The following NPHS1 variants were observed in gnomAD, a reference collection of about 807,000 sequenced individuals.
NPHS1 encodes nephrin.
Under a neutral mutation model 139.7 loss-of-function variants are expected in NPHS1, and 107 were observed. That is an observed-to-expected ratio of 0.77 (90% CI 0.66 to 0.90). The LOEUF is 0.90. NPHS1 is among the 40% of genes least tolerant of loss of function. NPHS1 has a pLI of 0.00. For synonymous variants in NPHS1, 707 were observed against 706.6 expected (o/e 1.00, Z -0.01); for missense variants, 1,580 against 1,654.2 (o/e 0.96, Z 0.78).
intron 9 of NPHS1, 114 bp from the exon 10 acceptor site, chr19:35,848,511 C>T (rs1003802729): frequency 1.6e-4 from 258 of 1,583,350 alleles, no homozygotes; most frequent in Non-Finnish European, 2.2e-4. Flanking sequence ...CTACCTCCCC[C>T]TCTGTTGGAC....
chr19:35,846,066 C>G lies in NPHS1; in HGVS notation c.1569G>C (p.Gln523His). Residue 523 changes from glutamine (Q) to histidine (H), a missense_variant, in exon 12 of 29, where the codon CAG becomes CAC. Coordinates refer to ENST00000378910, the MANE Select transcript of NPHS1 (RefSeq NM_004646.4). ...GTCCAGCCTTGCACGTGAACTTGGC[C>G]TGGTTGTCCGACGGCCCTGTGACCA... ...LVLVTGPSDN[Q>H]AKFTCKAGQL... 4.4e-6 allele frequency: 7 copies of G among 1,596,158 alleles called. No individual in the cohort carries two copies. Among genetic ancestry groups the G allele is most frequent in the Non-Finnish European group, 6.0e-6 (7 of 1,171,680 alleles).
intron 15 of NPHS1, 30 bp from the exon 16 acceptor site, chr19:35,844,273 A>G (rs1380249992): frequency 1.2e-6 from 2 of 1,613,798 alleles, no homozygotes; most frequent in Admixed American, 3.3e-5. Context: ...GGGACCTGGC[A>G]GGACCTCCCA....
rs374106929 is a variant in NPHS1, at chr19:35,848,187, A to T, written c.1316-22T>A. 6.2e-6 allele frequency: 10 copies of T among 1,613,934 alleles called. No individual in the cohort carries two copies. The African/African-American group carries it at 1.3e-4, about 22-fold the overall frequency. ...GGATCTGGCGGGGAGAGGAAGGAAGAATGACTTTTTCTCTGTGCTGGGTCC... is the reference window on the plus strand; with the variant it reads ...GGATCTGGCGGGGAGAGGAAGGAAGTATGACTTTTTCTCTGTGCTGGGTCC... On this transcript the variant is annotated intron_variant, in intron 10 of 28. Transcript: ENST00000378910.
In NPHS1 at chr19:35,826,469, A is replaced by T. The variant is rs199585460; in HGVS notation, c.*45T>A. 3.7e-6 allele frequency: 6 copies of T among 1,610,304 alleles called. No homozygotes were observed. In the African/African-American group the frequency reaches 8.0e-5, roughly 21 times the overall value. On this transcript the variant is annotated 3_prime_UTR_variant, in exon 29 of 29. Coordinates refer to ENST00000378910, the MANE Select transcript of NPHS1 (RefSeq NM_004646.4). ...AGGCTGTAATGAGAGAGACCAGTGG[A>T]GTGTAAATTCCTGCAGGTGCAGGAC... is the stretch of plus-strand genomic sequence containing the variant.
In NPHS1 at chr19:35,852,293, CCTCTCTCTCTGTCT is replaced by C. The variant is rs965507732; in HGVS notation, c.-470_-457del. ...CTCTCTCCTTTTGTCTCTGTCTCTT[CCTCTCTCTCTGTCT>C]CTCTCTCTCTCTCTCTCTCAATCTC... is the stretch of plus-strand genomic sequence containing the variant. On this transcript the variant is annotated 5_prime_UTR_variant, in exon 1 of 29. Coordinates refer to ENST00000378910, the MANE Select transcript of NPHS1 (RefSeq NM_004646.4). Among the ~76,000 whole-genome samples, 8 of 149,244 alleles carry C rather than the reference CCTCTCTCTCTGTCT, an allele frequency of 5.4e-5. No individual in the cohort carries two copies. Among genetic ancestry groups the C allele is most frequent in the African/African-American group, 1.5e-4 (6 of 39,420 alleles).
At position 35,849,639 on chromosome 19, in the gene NPHS1, C is replaced by CCTATTATCCCTGTCA; in HGVS notation, c.622_623insTGACAGGGATAATAG (p.Ser208delinsMetThrGlyIleIleGly). ...GACCAGCAACTGCCTATTATCTGAG[C>CCTATTATCCCTGTCA]TCCGGGGTGTCACCCTGGGATGAGA... On this transcript the variant is annotated protein_altering_variant, in exon 6 of 29. Coordinates refer to ENST00000378910, the MANE Select transcript of NPHS1 (RefSeq NM_004646.4). 6.2e-7 allele frequency: 1 copy of CCTATTATCCCTGTCA among 1,613,870 alleles called. No individual in the cohort carries two copies. The highest frequency in any genetic ancestry group is 1.1e-5 in the South Asian group (1 of 91,084).
At chr19:35,834,903 T>TA (rs199751686) in intron 23 of NPHS1, among the ~76,000 whole-genome samples, 3,172 of 112,704 alleles carry the variant, frequency 0.028, 48 homozygotes, top group African/African-American at 0.055. Context: ...AATAAAAAAA[T>TA]AAAAAAAAAA....
chr19:35,826,057 T>C lies in NPHS1; in HGVS notation c.*457A>G, dbSNP rs113978942. The C allele has an allele frequency of 0.019, 3,468 of 177,904 alleles. 122 individuals are homozygous for C. Among genetic ancestry groups the C allele is most frequent in the African/African-American group, 0.078 (3,290 of 42,402 alleles). 11.0% of individuals were successfully genotyped at this position (177,904 alleles called of 1,614,324 possible). A position where few individuals can be genotyped will look rare whatever the true frequency, so the allele number is the denominator to read the frequency against. Reference sequence around the variant, plus strand: ...GCCTCCTGGGTTCAAGCAATTCTCATGCATCAGCCTCCCAAGTAGCTGGGA... The same window carrying C: ...GCCTCCTGGGTTCAAGCAATTCTCACGCATCAGCCTCCCAAGTAGCTGGGA... On this transcript the variant is annotated 3_prime_UTR_variant, in exon 29 of 29. Coordinates refer to ENST00000378910, the MANE Select transcript of NPHS1 (RefSeq NM_004646.4).
intron 20 of NPHS1, 94 bp downstream of exon 20, chr19:35,841,621 G>C (rs192124894): frequency 1.1e-5 from 17 of 1,485,804 alleles, no homozygotes; most frequent in Admixed American, 1.0e-4. Flanking sequence ...AGAACTTCCG[G>C]TTTCAGAAAC....
At chr19:35,832,250 A>G (rs1198285103) in intron 23 of NPHS1, among the ~76,000 whole-genome samples, 7 of 152,030 alleles carry the variant, frequency 4.6e-5, no homozygotes, top group Non-Finnish European at 4.4e-5. Context: ...TGCCTTTCAA[A>G]TTCTATCTCA....
At chr19:35,849,509 C>T (rs1447995931) in intron 6 of NPHS1, 41 bp downstream of exon 6, 2 of 1,596,934 alleles carry the variant, frequency 1.3e-6, no homozygotes. Flanking sequence ...AGTGCCTGCT[C>T]CCCATCCTCA....
rs376923714 is a variant in NPHS1, at chr19:35,851,514, G to A, written c.217C>T (p.Pro73Ser). 1.3e-5 allele frequency: 21 copies of A among 1,613,572 alleles called. No individual in the cohort carries two copies. The highest frequency in any genetic ancestry group is 1.8e-5 in the Non-Finnish European group (21 of 1,180,002). ...GGGAAGCCTGGGATCCTGGGGTCGGGGCCCAGGAGCAGCCCATCTTTGGCC... is the reference window on the plus strand; with the variant it reads ...GGGAAGCCTGGGATCCTGGGGTCGGAGCCCAGGAGCAGCCCATCTTTGGCC... ...QWAKDGLLLG[P>S]DPRIPGFPRY... The change falls in exon 2 of 29, where the codon CCC becomes TCC. Residue 73 changes from proline to serine, a missense_variant. Pro to Ser is a moderately conservative substitution (Grantham distance 74, BLOSUM62 -1). Coordinates refer to ENST00000378910, the MANE Select transcript of NPHS1 (RefSeq NM_004646.4).
At chr19:35,848,920 A>G (rs1973185671) in intron 8 of NPHS1, 56 bp downstream of exon 8, 1 of 1,610,988 alleles carries the variant, frequency 6.2e-7, no homozygotes, top group South Asian at 1.1e-5. Context: ...GGGGGCACAC[A>G]CAGATGGTTC....
chr19:35,833,051 A>AT (rs58221236), intron 23 of NPHS1, among the ~76,000 whole-genome samples: 6,978 of 142,232 alleles, frequency 0.049, 192 homozygotes, highest in South Asian at 0.066. Flanking sequence ...CACCCGGCTA[A>AT]TTTTTTTTTT....
At position 35,826,435 on chromosome 19, in the gene NPHS1, G is replaced by C. The variant is rs2146803102; in HGVS notation, c.*79C>G. The C allele has an allele frequency of 6.4e-7, 1 of 1,572,478 alleles. No homozygotes were observed. The highest frequency in any genetic ancestry group is 1.3e-5 in the African/African-American group (1 of 74,106). On this transcript the variant is annotated 3_prime_UTR_variant, in exon 29 of 29. Coordinates refer to ENST00000378910, the MANE Select transcript of NPHS1 (RefSeq NM_004646.4). ...GGGTTTTATGGAGCTCACCTAACCA[G>C]CTCGGCCCAGGCTGTAATGAGAGAG...
At chr19:35,826,693 G>A in intron 28 of NPHS1, 48 bp from the exon 29 acceptor site, 3 of 1,604,016 alleles carry the variant, frequency 1.9e-6, no homozygotes, top group Non-Finnish European at 2.6e-6. Flanking sequence ...TGCCCTGTAG[G>A]TCTTCATTGA....
rs573186761 is a variant in NPHS1, at chr19:35,827,484, A to G, written c.3595-839T>C. Among the ~76,000 whole-genome samples the G allele has an allele frequency of 2.0e-5, 3 of 152,250 alleles. No homozygotes were observed. In the South Asian group the frequency reaches 6.2e-4, roughly 32 times the overall value. ...TCAAAAAAAGAAAAAAAGAAAAAAG[A>G]AAAAACCAGTAGCAACCCTTGGTCA... On this transcript the variant is annotated intron_variant, in intron 28 of 28. Transcript: ENST00000378910.
intron 8 of NPHS1, 37 bp downstream of exon 8, chr19:35,848,939 A>C: frequency 6.2e-7 from 1 of 1,611,304 alleles, no homozygotes; most frequent in East Asian, 2.2e-5. Context: ...TCTCTGAGGC[A>C]CAGACCGACA....
chr19:35,846,784 A>G (rs2146824903), intron 11 of NPHS1, among the ~76,000 whole-genome samples: 1 of 152,254 alleles, frequency 6.6e-6, no homozygotes, highest in African/African-American at 2.4e-5. Flanking sequence ...ATTCCTTTGT[A>G]TTGCCCAGAT....
Sources: allele counts gnomAD v4.1 joint callset (sites outside exome capture counted in the v4.1 genomes callset), GRCh38; gene constraint gnomAD v4.1.1; transcripts MANE v1.5; gene names NCBI Gene and HGNC (gene_info 2026-07-23, HGNC 2026-07-21).